Variants in BCL11A observed in about 807,000 individuals in gnomAD.
BCL11A encodes BCL11 transcription factor A.
A neutral mutation model predicts 55.9 loss-of-function variants in BCL11A; 2 were observed. That is an observed-to-expected ratio of 0.04 (90% CI 0.01 to 0.11). The LOEUF is 0.11. BCL11A is among the 10% of genes least tolerant of loss of function. The pLI, the probability that BCL11A is intolerant of heterozygous loss-of-function variation, is 1.00. For missense variants in BCL11A, 817 were observed against 1,137.1 expected (o/e 0.72, Z 4.05); for synonymous variants, 465 against 473.4 (o/e 0.98, Z 0.23).
intron 2 of BCL11A, among the ~76,000 whole-genome samples, chr2:60,476,350 C>T (rs1331624464): frequency 1.3e-5 from 2 of 152,226 alleles, no homozygotes; most frequent in Non-Finnish European, 2.9e-5. Flanking sequence ...GAAACTTCCC[C>T]AAACCCAGGC....
chr2:60,553,076 T>C (rs909785778), intron 1 of BCL11A, 140 bp downstream of exon 1: 1 of 846,654 alleles, frequency 1.2e-6, no homozygotes, highest in Non-Finnish European at 1.7e-6. Flanking sequence ...TTATCTCTTT[T>C]ACCTCGACTC....
At chr2:60,468,353 G>A (rs1461905192) in intron 3 of BCL11A, among the ~76,000 whole-genome samples, 1 of 152,134 alleles carries the variant, frequency 6.6e-6, no homozygotes, top group African/African-American at 2.4e-5. Flanking sequence ...TCTGGCCTTG[G>A]CTAAAGATGT....
At chr2:60,524,093 C>T (rs1351237304) in intron 2 of BCL11A, among the ~76,000 whole-genome samples, 2 of 152,164 alleles carry the variant, frequency 1.3e-5, no homozygotes, top group South Asian at 2.1e-4. Flanking sequence ...ATTTATCATC[C>T]GCTCCCATTT....
At chr2:60,479,841 T>C (rs1475679277) in intron 2 of BCL11A, among the ~76,000 whole-genome samples, 3 of 152,244 alleles carry the variant, frequency 2.0e-5, no homozygotes. Context: ...ACAGGTTCTT[T>C]TGATTTTATT....
intron 1 of BCL11A, among the ~76,000 whole-genome samples, chr2:60,547,390 T>C (rs1352976421): frequency 2.6e-5 from 4 of 152,144 alleles, no homozygotes; most frequent in African/African-American, 9.7e-5. Flanking sequence ...TTGCTTTTTT[T>C]TTTAACTTTG....
At chr2:60,530,266 A>G (rs1669387291) in intron 2 of BCL11A, among the ~76,000 whole-genome samples, 1 of 148,662 alleles carries the variant, frequency 6.7e-6, no homozygotes, top group Non-Finnish European at 1.5e-5. Context: ...TTCCTTGCAT[A>G]TTATCGTTCT....
chr2:60,507,497 A>G (rs1411295744), intron 2 of BCL11A, among the ~76,000 whole-genome samples: 7 of 152,146 alleles, frequency 4.6e-5, no homozygotes, highest in Admixed American at 6.5e-5. Flanking sequence ...CAGAAAAGTT[A>G]AAACCTTGTG....
chr2:60,488,370 CA>C (rs1481500729), intron 2 of BCL11A, among the ~76,000 whole-genome samples: 1 of 152,198 alleles, frequency 6.6e-6, no homozygotes, highest in East Asian at 1.9e-4. Flanking sequence ...AATCCAGTTA[CA>C]ATTTGACAGC....
At chr2:60,539,147 C>G (rs1451936383) in intron 2 of BCL11A, among the ~76,000 whole-genome samples, 3 of 152,214 alleles carry the variant, frequency 2.0e-5, no homozygotes, top group African/African-American at 7.2e-5. Context: ...TACAATTCCC[C>G]AGACTAGCTG....
chr2:60,479,065 G>C (rs1170755807), intron 2 of BCL11A, among the ~76,000 whole-genome samples: 1 of 151,990 alleles, frequency 6.6e-6, no homozygotes, highest in East Asian at 1.9e-4. Context: ...GAGCAAATTG[G>C]AGATGCCCGC....
chr2:60,452,534 G>A (rs761923443), downstream of BCL11A: 1 of 1,507,412 alleles, frequency 6.6e-7, no homozygotes, highest in Non-Finnish European at 9.2e-7. Context: ...CGTCGACTGG[G>A]CGGCACGCGT....
At position 60,458,232 on chromosome 2, in the gene BCL11A, A is replaced by G. The variant is rs1572945103; in HGVS notation, c.*2172T>C. 1 of 1,024,022 alleles carries G rather than the reference A, an allele frequency of 9.8e-7. No individual in the cohort carries two copies. Among genetic ancestry groups the G allele is most frequent in the Non-Finnish European group, 1.2e-6 (1 of 852,386 alleles). The allele number at this position is 1,024,022 out of a possible 1,614,324, so 63.4% of individuals were successfully genotyped here. On this transcript the variant is annotated 3_prime_UTR_variant, in exon 4 of 4. Coordinates refer to ENST00000642384, the MANE Select transcript of BCL11A (RefSeq NM_022893.4). The stretch of plus-strand genomic sequence containing the variant: ...AATCAACATGAGTGTGCATTTTCCT[A>G]TATTTAAGTACTATATAATCTTAAA...
chr2:60,549,536 C>T (rs1332669884), intron 1 of BCL11A, among the ~76,000 whole-genome samples: 3 of 152,336 alleles, frequency 2.0e-5, no homozygotes, highest in East Asian at 1.9e-4. Context: ...CGCGGGGACT[C>T]TGAGGCACAA....
At chr2:60,520,157 A>G (rs1246307610) in intron 2 of BCL11A, among the ~76,000 whole-genome samples, 5 of 152,234 alleles carry the variant, frequency 3.3e-5, no homozygotes. Context: ...GTGGCAAGGT[A>G]TATTGATTAG....
chr2:60,551,872 G>A (rs529513051), intron 1 of BCL11A, among the ~76,000 whole-genome samples: 2 of 151,390 alleles, frequency 1.3e-5, no homozygotes, highest in Admixed American at 6.6e-5. Flanking sequence ...CGCCTGCTCC[G>A]GGGCTGCCGC....
intron 2 of BCL11A, chr2:60,526,940 G>C (rs761200252): frequency 6.6e-6 from 1 of 152,164 alleles, no homozygotes; most frequent in African/African-American, 2.4e-5. Context: ...ATTTTTAGTC[G>C]ACATTTCAAT....
chr2:60,523,534 T>C (rs550871051), intron 2 of BCL11A, among the ~76,000 whole-genome samples: 1 of 152,148 alleles, frequency 6.6e-6, no homozygotes, highest in African/African-American at 2.4e-5. Flanking sequence ...CAACTATATA[T>C]ATATTCATAC....
intron 2 of BCL11A, among the ~76,000 whole-genome samples, chr2:60,502,589 C>T (rs1284318787): frequency 1.3e-5 from 2 of 152,180 alleles, no homozygotes; most frequent in Non-Finnish European, 1.5e-5. Context: ...AGTGTTCACA[C>T]CCAATCCCAT....
intron 2 of BCL11A, among the ~76,000 whole-genome samples, chr2:60,510,863 G>A (rs1033674074): frequency 6.6e-6 from 1 of 152,236 alleles, no homozygotes; most frequent in Non-Finnish European, 1.5e-5. Context: ...GACCCACAGG[G>A]AAGAGCTTTT....
Sources: gnomAD v4.1 joint callset for allele counts (sites outside exome capture counted in the v4.1 genomes callset) on GRCh38, gnomAD v4.1.1 for gene constraint, MANE v1.5 for transcripts, NCBI Gene and HGNC (gene_info 2026-07-23, HGNC 2026-07-21) for gene names.